TMEM185A: variants seen among roughly 807,000 people sequenced by gnomAD.
The protein encoded by TMEM185A is transmembrane protein 185A.
A neutral mutation model predicts 25.0 loss-of-function variants in TMEM185A; 9 were observed. That is an observed-to-expected ratio of 0.36 (90% CI 0.22 to 0.63). The LOEUF (loss-of-function observed/expected upper bound fraction) is 0.63. TMEM185A is among the 20% of genes least tolerant of loss of function. The pLI is 0.68. For missense variants in TMEM185A, 103 were observed against 237.4 expected (o/e 0.43, Z 3.72); for synonymous variants, 45 against 93.5 (o/e 0.48, Z 2.99).
chrX:149,611,262 A>G (rs1177783036), intron 2 of TMEM185A, 25 bp downstream of exon 2: 2 of 1,184,566 alleles, frequency 1.7e-6, no homozygotes, highest in East Asian at 6.0e-5. Context: ...GCTAGAGACC[A>G]ATGGGTTGTA....
intron 2 of TMEM185A, among the ~76,000 whole-genome samples, chrX:149,610,340 A>G (rs151017020): frequency 0.014 from 1,357 of 100,041 alleles, 32 homozygotes; most frequent in African/African-American, 0.048. Context: ...AGGCAGGAGA[A>G]TCACTTGAAC....
intron 1 of TMEM185A, among the ~76,000 whole-genome samples, chrX:149,629,389 G>A (rs1287082564): frequency 9.0e-6 from 1 of 111,519 alleles, no homozygotes; most frequent in Non-Finnish European, 1.9e-5. Flanking sequence ...CTCCTATAGA[G>A]AAGGCCTTCC....
intron 1 of TMEM185A, among the ~76,000 whole-genome samples, chrX:149,615,542 G>C (rs112255569): frequency 0.021 from 2,383 of 110,925 alleles, 67 homozygotes; most frequent in African/African-American, 0.074. Context: ...ATGATATTCC[G>C]TGTAGGAAAT....
At chrX:149,607,347 T>C (rs17325557) in intron 3 of TMEM185A, among the ~76,000 whole-genome samples, 6,874 of 112,044 alleles carry the variant, frequency 0.061, 473 homozygotes, top group East Asian at 0.26. Flanking sequence ...CCCATCAGTA[T>C]TCAGCTTTGG....
intron 1 of TMEM185A, among the ~76,000 whole-genome samples, chrX:149,626,009 T>G (rs2090161364): frequency 1.8e-5 from 2 of 112,450 alleles, no homozygotes; most frequent in Admixed American, 9.4e-5. Flanking sequence ...GAGCACAGGC[T>G]TCATGAGACT....
At position 149,630,368 on chromosome X, in the gene TMEM185A, G is replaced by A. The variant is rs782474598; in HGVS notation, c.38+1175C>T. Among the ~76,000 whole-genome samples, 10 of 104,078 alleles carry A rather than the reference G, an allele frequency of 9.6e-5. No homozygotes were observed. The South Asian group carries it at 4.2e-3, about 43-fold the overall frequency. 90.4% of individuals were successfully genotyped at this position (104,078 alleles called of 115,157 possible). On this transcript the variant is annotated intron_variant, in intron 1 of 6. Coordinates refer to ENST00000600449, the MANE Select transcript of TMEM185A (RefSeq NM_032508.4). ...AGCAGCCAAGGCATAGGTCCCCAGA[G>A]TTGGCCCCCGCAGTACAGCACTGCA...
chrX:149,631,093 G>C (rs2090189036), intron 1 of TMEM185A, among the ~76,000 whole-genome samples: 1 of 110,794 alleles, frequency 9.0e-6, no homozygotes, highest in African/African-American at 3.3e-5. Context: ...ATAAACCCAA[G>C]GAAAACCCCA....
intron 1 of TMEM185A, among the ~76,000 whole-genome samples, chrX:149,619,212 T>C (rs1873256259): frequency 8.9e-6 from 1 of 112,003 alleles, no homozygotes; most frequent in African/African-American, 3.2e-5. Context: ...TACTGAGTTA[T>C]AAAGATCTTT....
At chrX:149,608,341 T>C (rs1037992455) in intron 3 of TMEM185A, 16 of 191,241 alleles carry the variant, frequency 8.4e-5, no homozygotes, top group Non-Finnish European at 1.1e-4. Flanking sequence ...TTCTTTTTTT[T>C]TTTTTTTAAG....
At chrX:149,620,656 C>G (rs2090135349) in intron 1 of TMEM185A, among the ~76,000 whole-genome samples, 1 of 111,661 alleles carries the variant, frequency 9.0e-6, no homozygotes, top group African/African-American at 3.3e-5. Context: ...CAAAGAATGT[C>G]TTAGTATTAT....
intron 1 of TMEM185A, among the ~76,000 whole-genome samples, chrX:149,620,446 G>T (rs886826136): frequency 8.9e-6 from 1 of 111,985 alleles, no homozygotes; most frequent in Non-Finnish European, 1.9e-5. Context: ...AAGATTAAAT[G>T]AGATTAATAT....
At chrX:149,603,751 T>C in intron 4 of TMEM185A, 2 of 286,489 alleles carry the variant, frequency 7.0e-6, no homozygotes, top group Non-Finnish European at 1.2e-5. Flanking sequence ...ATGTTTATGA[T>C]ACAACATTAA....
intron 1 of TMEM185A, among the ~76,000 whole-genome samples, chrX:149,622,178 C>T (rs2090142604): frequency 8.9e-6 from 1 of 112,358 alleles, no homozygotes; most frequent in Admixed American, 9.4e-5. Context: ...ACAAGAGCAA[C>T]AATTTACTAT....
rs1181797944 is a variant in TMEM185A, at chrX:149,621,551, CAAACCTAGTGGTTTAAAAAGCAT to C, written c.38+9969_38+9991del. Among the ~76,000 whole-genome samples, 8 of 112,148 alleles carry C rather than the reference CAAACCTAGTGGTTTAAAAAGCAT, an allele frequency of 7.1e-5. No homozygotes were observed. In the South Asian group the frequency reaches 1.9e-3, roughly 27 times the overall value. On this transcript the variant is annotated intron_variant, in intron 1 of 6. Coordinates refer to ENST00000600449, the MANE Select transcript of TMEM185A (RefSeq NM_032508.4). Reference sequence around the variant, plus strand: ...CTATTGCTGCCATTCAAAACTGCCACAAACCTAGTGGTTTAAAAAGCATAAACCTAGTGGTTTAAAAGGCATAA... The same window carrying C: ...CTATTGCTGCCATTCAAAACTGCCACAAACCTAGTGGTTTAAAAGGCATAA...
intron 1 of TMEM185A, among the ~76,000 whole-genome samples, chrX:149,618,300 G>C (rs1273769288): frequency 9.0e-6 from 1 of 110,795 alleles, no homozygotes; most frequent in Non-Finnish European, 1.9e-5. Flanking sequence ...AAGAAACTTC[G>C]ATTGGAAAAA....
In TMEM185A at chrX:149,631,728, G is replaced by A. The variant is rs1305242103; in HGVS notation, c.-148C>T. 6 of 465,945 alleles carry A rather than the reference G, an allele frequency of 1.3e-5. No homozygotes were observed. The highest frequency in any genetic ancestry group is 1.8e-5 in the Non-Finnish European group (6 of 333,791). 38.4% of individuals were successfully genotyped at this position (465,945 alleles called of 1,213,427 possible). Reference sequence around the variant, plus strand: ...TGCTGCCGTCCCCGCTGCCGTCGCCGTCGCCGTCGCCGCCGCCGCCGCCGC... The same window carrying A: ...TGCTGCCGTCCCCGCTGCCGTCGCCATCGCCGTCGCCGCCGCCGCCGCCGC... On this transcript the variant is annotated 5_prime_UTR_variant, in exon 1 of 7. The change creates a new upstream start codon in the 5' untranslated region. Transcript: ENST00000600449.
chrX:149,612,362 A>G (rs782048381), intron 1 of TMEM185A, among the ~76,000 whole-genome samples: 2 of 112,259 alleles, frequency 1.8e-5, no homozygotes, highest in East Asian at 5.6e-4. Context: ...GTCAATAACT[A>G]TATTAAATAT....
rs782452808 is a variant in TMEM185A at position 149,625,114 on chromosome X, G to A, written c.38+6429C>T. 9.8e-5 allele frequency among the ~76,000 whole-genome samples: 11 copies of A among 112,315 alleles called. No homozygotes were observed. The East Asian group carries it at 3.1e-3, about 31-fold the overall frequency. On this transcript the variant is annotated intron_variant, in intron 1 of 6. Transcript: ENST00000600449. ...CACTTATAAAGCATCTATCTCCAGA[G>A]TTCGAGGCTTTTGTCTTAAATTCCA...
At chrX:149,618,575 A>C (rs1365945166) in intron 1 of TMEM185A, among the ~76,000 whole-genome samples, 1 of 111,621 alleles carries the variant, frequency 9.0e-6, no homozygotes, top group East Asian at 2.8e-4. Flanking sequence ...TTTTAGTATC[A>C]AAAATTTTGA....
Sources: allele counts gnomAD v4.1 joint callset (sites outside exome capture counted in the v4.1 genomes callset), GRCh38; gene constraint gnomAD v4.1.1; transcripts MANE v1.5; gene names NCBI Gene and HGNC (gene_info 2026-07-23, HGNC 2026-07-21).